The following ADGRB3 variants were observed in gnomAD, a reference collection of about 807,000 sequenced individuals.
ADGRB3 encodes adhesion G protein-coupled receptor B3.
ADGRB3 carries 37 observed loss-of-function variants against 193.4 expected under a neutral mutation model. The observed-to-expected ratio is 0.19, with a 90% confidence interval of 0.15 to 0.25. The LOEUF is 0.25. Ranked by LOEUF, ADGRB3 falls within the 10% of genes least tolerant of loss-of-function variation. The pLI, the probability that ADGRB3 is intolerant of heterozygous loss-of-function variation, is 1.00. For synonymous variants in ADGRB3, 690 were observed against 644.2 expected (o/e 1.07, Z -1.08); for missense variants, 1,637 against 1,852.9 (o/e 0.88, Z 2.14).
intron 13 of ADGRB3, among the ~76,000 whole-genome samples, chr6:69,046,849 G>C (rs1771250895): frequency 6.6e-6 from 1 of 152,022 alleles, no homozygotes; most frequent in Non-Finnish European, 1.5e-5. Context: ...CACTTATGAG[G>C]AGTGTAATGA....
At chr6:68,863,927 T>G (rs544247146) in intron 3 of ADGRB3, among the ~76,000 whole-genome samples, 1 of 152,296 alleles carries the variant, frequency 6.6e-6, no homozygotes, top group South Asian at 2.1e-4. Context: ...TATACTAAAT[T>G]ATTGCATTTA....
chr6:69,051,480 T>C (rs1771391976), intron 15 of ADGRB3, among the ~76,000 whole-genome samples: 2 of 152,210 alleles, frequency 1.3e-5, no homozygotes, highest in Non-Finnish European at 2.9e-5. Context: ...TAAATGTCTA[T>C]AGGACAACTA....
At chr6:68,695,366 C>T (rs1017753008) in intron 3 of ADGRB3, among the ~76,000 whole-genome samples, 20 of 152,002 alleles carry the variant, frequency 1.3e-4, no homozygotes, top group African/African-American at 4.6e-4. Context: ...AAAAAATTGT[C>T]CCTCCTTCTG....
intron 8 of ADGRB3, among the ~76,000 whole-genome samples, chr6:68,972,692 T>A (rs1423608666): frequency 6.6e-6 from 1 of 152,088 alleles, no homozygotes; most frequent in East Asian, 1.9e-4. Context: ...TAAATACTAA[T>A]ATGATTATAT....
chr6:69,154,886 A>G (rs1205241522), intron 17 of ADGRB3, among the ~76,000 whole-genome samples: 1 of 152,176 alleles, frequency 6.6e-6, no homozygotes, highest in South Asian at 2.1e-4. Context: ...TTAATTTCAC[A>G]TTGTTTACCA....
chr6:68,775,628 A>T (rs1262738238), intron 3 of ADGRB3, among the ~76,000 whole-genome samples: 4 of 152,132 alleles, frequency 2.6e-5, no homozygotes, highest in African/African-American at 9.7e-5. Context: ...CCTGCAACTG[A>T]TTCAAAAGTT....
At chr6:69,301,566 A>G (rs1263074592) in intron 20 of ADGRB3, among the ~76,000 whole-genome samples, 1 of 151,946 alleles carries the variant, frequency 6.6e-6, no homozygotes, top group South Asian at 2.1e-4. Flanking sequence ...TAAATCTTGA[A>G]TAACACCATG....
intron 20 of ADGRB3, among the ~76,000 whole-genome samples, chr6:69,269,769 C>T (rs1007128961): frequency 1.3e-5 from 2 of 152,090 alleles, no homozygotes; most frequent in African/African-American, 2.4e-5. Flanking sequence ...GCCTGTCATA[C>T]TCTTGATACT....
Position 69,195,952 on chromosome 6 carries a change from A to G in ADGRB3, c.2481-37338A>G, listed in dbSNP as rs147307154. ...TAAAGAAAAAATGAATAGTCTACTG[A>G]TATCCATGAGCATAATAATTCATGG... On this transcript the variant is annotated intron_variant, in intron 17 of 31. Coordinates refer to ENST00000370598, the MANE Select transcript of ADGRB3 (RefSeq NM_001704.3). 2.4e-3 allele frequency among the ~76,000 whole-genome samples: 368 copies of G among 152,290 alleles called. 4 individuals are homozygous for G. Among genetic ancestry groups the G allele is most frequent in the African/African-American group, 8.4e-3 (350 of 41,566 alleles).
chr6:68,839,057 C>A (rs2127386642), intron 3 of ADGRB3, among the ~76,000 whole-genome samples: 1 of 141,064 alleles, frequency 7.1e-6, no homozygotes, highest in South Asian at 2.2e-4. Flanking sequence ...CTCTCTCTTC[C>A]TTCCTCTCTC....
intron 17 of ADGRB3, among the ~76,000 whole-genome samples, chr6:69,143,391 A>G (rs1473997117): frequency 3.3e-5 from 5 of 152,092 alleles, no homozygotes; most frequent in African/African-American, 7.2e-5. Flanking sequence ...ACTTGATGTA[A>G]TCTCATTTGT....
chr6:68,948,227 A>G (rs1197411172), intron 6 of ADGRB3, among the ~76,000 whole-genome samples: 2 of 152,164 alleles, frequency 1.3e-5, no homozygotes, highest in African/African-American at 4.8e-5. Context: ...TTTAAGTGTC[A>G]TCGTATGCTA....
chr6:68,766,093 T>G (rs1433396392), intron 3 of ADGRB3, among the ~76,000 whole-genome samples: 2 of 152,012 alleles, frequency 1.3e-5, no homozygotes, highest in African/African-American at 4.8e-5. Flanking sequence ...TTCTTTTAGG[T>G]CTTTTCCAAA....
In ADGRB3 at chr6:68,931,921, C is replaced by G. The variant is rs138802221; in HGVS notation, c.868+1252C>G. Among the ~76,000 whole-genome samples the G allele has an allele frequency of 4.8e-3, 729 of 151,646 alleles. 2 individuals are homozygous for G. Among genetic ancestry groups the G allele is most frequent in the Middle Eastern group, 0.02 (6 of 294 alleles). On this transcript the variant is annotated intron_variant, in intron 4 of 31. Transcript: ENST00000370598. The stretch of plus-strand genomic sequence containing the variant: ...ATGTAGAAACTTGCTTATCTGGATC[C>G]CTTTTTGTGCACTTTCTTGTTTAAG...
Position 68,774,929 on chromosome 6 carries a change from G to A in ADGRB3, c.757+135497G>A, listed in dbSNP as rs113432542. On this transcript the variant is annotated intron_variant, in intron 3 of 31. Coordinates refer to ENST00000370598, the MANE Select transcript of ADGRB3 (RefSeq NM_001704.3). The stretch of plus-strand genomic sequence containing the variant: ...AATACTGCTCTATAAATATGCTTTC[G>A]TCCTGCAAGGTTTTGGAAGGAGGAG... Among the ~76,000 whole-genome samples, 1,265 of 151,986 alleles carry A rather than the reference G, an allele frequency of 8.3e-3. 25 individuals are homozygous for A. The highest frequency in any genetic ancestry group is 0.029 in the African/African-American group (1,212 of 41,478).
intron 17 of ADGRB3, among the ~76,000 whole-genome samples, chr6:69,174,634 C>A (rs576227456): frequency 2.0e-5 from 3 of 152,162 alleles, no homozygotes; most frequent in Non-Finnish European, 2.9e-5. Flanking sequence ...ATTGCTGGGT[C>A]AGATGATTGT....
chr6:69,112,675 TAAAA>T (rs781542178), intron 17 of ADGRB3, among the ~76,000 whole-genome samples: 1 of 151,742 alleles, frequency 6.6e-6, no homozygotes, highest in Admixed American at 6.6e-5. Flanking sequence ...AAAATAAAAA[TAAAA>T]AAAGACAAAC....
chr6:69,103,633 T>A (rs1484112776), intron 17 of ADGRB3, among the ~76,000 whole-genome samples: 3 of 151,990 alleles, frequency 2.0e-5, no homozygotes, highest in Non-Finnish European at 4.4e-5. Flanking sequence ...CTGTGGCTTT[T>A]ATCTTTAATT....
At chr6:68,986,438 T>G (rs1256394594) in intron 10 of ADGRB3, among the ~76,000 whole-genome samples, 3 of 152,208 alleles carry the variant, frequency 2.0e-5, no homozygotes, top group Admixed American at 6.6e-5. Flanking sequence ...TCAGACTTGA[T>G]GTTTCCACTT....
Sources: allele counts gnomAD v4.1 joint callset (sites outside exome capture counted in the v4.1 genomes callset), GRCh38; gene constraint gnomAD v4.1.1; transcripts MANE v1.5; gene names NCBI Gene and HGNC (gene_info 2026-07-23, HGNC 2026-07-21).